Variants in MGAT4C observed in about 807,000 individuals in gnomAD.
The protein encoded by MGAT4C is alpha-1,3-mannosyl-glycoprotein 4-beta-N-acetylglucosaminyltransferase C.
MGAT4C carries 19 observed loss-of-function variants against 40.1 expected under a neutral mutation model. The observed-to-expected ratio is 0.47, with a 90% confidence interval of 0.33 to 0.70. MGAT4C has a LOEUF of 0.70. Ranked by LOEUF, MGAT4C falls within the 30% of genes least tolerant of loss-of-function variation. MGAT4C has a pLI of 0.02. For synonymous variants in MGAT4C, 181 were observed against 187.1 expected (o/e 0.97, Z 0.27); for missense variants, 491 against 563.2 (o/e 0.87, Z 1.30).
intron 1 of MGAT4C, among the ~76,000 whole-genome samples, chr12:86,769,415 T>C (rs1951586148): frequency 6.6e-6 from 1 of 152,128 alleles, no homozygotes; most frequent in Admixed American, 6.5e-5. Flanking sequence ...ACACTGTTGG[T>C]GGGATTGTAA....
intron 2 of MGAT4C, among the ~76,000 whole-genome samples, chr12:86,560,800 A>C (rs1959825678): frequency 1.3e-5 from 2 of 152,234 alleles, no homozygotes. Flanking sequence ...CAGAGCAATT[A>C]GATCAGAGAA....
In MGAT4C at chr12:86,534,877, C is replaced by T. The variant is rs181520048; in HGVS notation, c.-228-99612G>A. Among the ~76,000 whole-genome samples the T allele has an allele frequency of 6.8e-4, 104 of 152,192 alleles. 2 individuals are homozygous for T. Among genetic ancestry groups the T allele is most frequent in the African/African-American group, 2.4e-3 (101 of 41,540 alleles). On this transcript the variant is annotated intron_variant, in intron 2 of 7. Coordinates refer to the MGAT4C transcript ENST00000548651. ...GCTTTATGTTTGCAAATAAATAAAGCAAGGCCTCCCTGACTCCTAGACTGA... is the reference window on the plus strand; with the variant it reads ...GCTTTATGTTTGCAAATAAATAAAGTAAGGCCTCCCTGACTCCTAGACTGA...
chr12:86,819,151 G>A (rs879595029), intron 1 of MGAT4C, among the ~76,000 whole-genome samples: 1 of 150,956 alleles, frequency 6.6e-6, no homozygotes, highest in Non-Finnish European at 1.5e-5. Context: ...GGCAGCCATT[G>A]AAATAAGAGA....
chr12:86,074,317 G>C (rs1869219868), intron 1 of MGAT4C, among the ~76,000 whole-genome samples: 1 of 148,408 alleles, frequency 6.7e-6, no homozygotes, highest in African/African-American at 2.5e-5. Context: ...GTAATCATGT[G>C]AGTTAATACT....
chr12:86,312,787 T>A (rs1177843538), intron 4 of MGAT4C, among the ~76,000 whole-genome samples: 1 of 152,158 alleles, frequency 6.6e-6, no homozygotes, highest in African/African-American at 2.4e-5. Flanking sequence ...AGTCATCATA[T>A]AGCATTTATA....
At chr12:86,228,496 A>G (rs1013915944) in intron 1 of MGAT4C, among the ~76,000 whole-genome samples, 6 of 152,004 alleles carry the variant, frequency 3.9e-5, no homozygotes, top group Non-Finnish European at 5.9e-5. Context: ...TTCAAACACA[A>G]AGAGAGTTTG....
intron 2 of MGAT4C, among the ~76,000 whole-genome samples, chr12:86,653,716 G>A (rs1220459748): frequency 6.6e-6 from 1 of 151,750 alleles, no homozygotes; most frequent in Non-Finnish European, 1.5e-5. Flanking sequence ...TAGAGACTTT[G>A]TCAATTATCA....
intron 2 of MGAT4C, among the ~76,000 whole-genome samples, chr12:86,623,541 A>G (rs890245405): frequency 1.3e-5 from 2 of 152,176 alleles, no homozygotes; most frequent in African/African-American, 4.8e-5. Flanking sequence ...TATTTTAAAG[A>G]ACTGACAGAA....
chr12:86,352,046 C>T (rs952086599), intron 3 of MGAT4C, among the ~76,000 whole-genome samples: 41 of 151,990 alleles, frequency 2.7e-4, no homozygotes, highest in Admixed American at 7.9e-4. Context: ...AGTGAATTTA[C>T]TAAGTAACAA....
intron 2 of MGAT4C, among the ~76,000 whole-genome samples, chr12:86,542,613 T>C (rs1959174051): frequency 6.6e-6 from 1 of 152,196 alleles, no homozygotes; most frequent in South Asian, 2.1e-4. Flanking sequence ...GGCCATGCCT[T>C]TTCTTTTTTT....
At chr12:86,369,683 T>C (rs1955680411) in intron 3 of MGAT4C, among the ~76,000 whole-genome samples, 1 of 152,042 alleles carries the variant, frequency 6.6e-6, no homozygotes, top group Non-Finnish European at 1.5e-5. Flanking sequence ...ATCATTTTTA[T>C]GGTTATTGTT....
chr12:86,601,282 A>C (rs561614020), intron 2 of MGAT4C: 8 of 152,182 alleles, frequency 5.3e-5, no homozygotes, highest in African/African-American at 1.9e-4. Context: ...CCGGATGGAG[A>C]CCACAACCGG....
chr12:86,716,994 A>G (rs980545262), intron 2 of MGAT4C, among the ~76,000 whole-genome samples: 8 of 152,082 alleles, frequency 5.3e-5, no homozygotes, highest in African/African-American at 1.7e-4. Context: ...TAATAATGAA[A>G]ATGAATTTGC....
rs954804269 is a variant in MGAT4C, at chr12:86,760,383, T to G, written c.-261-33142A>C. Among the ~76,000 whole-genome samples, 5 of 152,066 alleles carry G rather than the reference T, an allele frequency of 3.3e-5. No individual in the cohort carries two copies. In the East Asian group the frequency reaches 9.7e-4, roughly 29 times the overall value. On this transcript the variant is annotated intron_variant, in intron 1 of 7. Coordinates refer to the MGAT4C transcript ENST00000548651. ...CACGGATTTTTGTTTTTGTTTTTGT[T>G]TTTGTTTTTTTTTGGATAAGTAGCT... is the stretch of plus-strand genomic sequence containing the variant.
chr12:86,210,469 C>A (rs1172596888), intron 1 of MGAT4C, among the ~76,000 whole-genome samples: 2 of 152,228 alleles, frequency 1.3e-5, no homozygotes, highest in South Asian at 2.1e-4. Context: ...TTGGTATCAT[C>A]TGATATTCAC....
intron 4 of MGAT4C, among the ~76,000 whole-genome samples, chr12:86,265,933 C>T (rs1952773853): frequency 6.6e-6 from 1 of 152,092 alleles, no homozygotes; most frequent in South Asian, 2.1e-4. Flanking sequence ...TGATTTGGTT[C>T]TCAGCTAAAT....
intron 1 of MGAT4C, among the ~76,000 whole-genome samples, chr12:86,242,216 T>A (rs1011838346): frequency 1.3e-5 from 2 of 152,116 alleles, no homozygotes; most frequent in Non-Finnish European, 2.9e-5. Flanking sequence ...AGACATTGAT[T>A]ATAGAGCTGC....
intron 1 of MGAT4C, among the ~76,000 whole-genome samples, chr12:86,178,062 G>A (rs773609540): frequency 2.6e-5 from 4 of 151,880 alleles, no homozygotes; most frequent in South Asian, 4.2e-4. Context: ...TCAGCCTCCC[G>A]AGTAGCTGGG....
chr12:86,775,649 G>C (rs1193108475), intron 1 of MGAT4C, among the ~76,000 whole-genome samples: 3 of 150,860 alleles, frequency 2.0e-5, no homozygotes, highest in Non-Finnish European at 4.4e-5. Flanking sequence ...ATTTTTGAAG[G>C]GGGTTAAAAA....
Sources: allele counts gnomAD v4.1 joint callset (sites outside exome capture counted in the v4.1 genomes callset), GRCh38; gene constraint gnomAD v4.1.1; transcripts MANE v1.5; gene names NCBI Gene and HGNC (gene_info 2026-07-23, HGNC 2026-07-21).